The following MTFR2 variants were observed in gnomAD, a reference collection of about 807,000 sequenced individuals.
MTFR2 encodes DUF729 domain-containing protein 1.
A neutral mutation model predicts 41.2 loss-of-function variants in MTFR2; 44 were observed. The ratio of observed to expected loss-of-function variants is 1.07; its 90% CI spans 0.84 to 1.37. The LOEUF (loss-of-function observed/expected upper bound fraction) is 1.37. Ranked by LOEUF, MTFR2 falls within the 40% of genes most tolerant of loss-of-function variation. The probability of loss-of-function intolerance (pLI) is 0.00; values close to 1 mark genes in which losing one functional copy is unlikely to be tolerated. For synonymous variants in MTFR2, 141 were observed against 154.6 expected (o/e 0.91, Z 0.65); for missense variants, 452 against 459.5 (o/e 0.98, Z 0.15).
At chr6:136,240,848 T>A (rs186829346) in intron 5 of MTFR2, among the ~76,000 whole-genome samples, 2,092 of 152,290 alleles carry the variant, frequency 0.014, 19 homozygotes, top group Non-Finnish European at 0.022. Context: ...TCCCAGCACT[T>A]TGGGAGGCCA....
At chr6:136,238,637 T>C (rs1449643462) in intron 6 of MTFR2, among the ~76,000 whole-genome samples, 1 of 151,328 alleles carries the variant, frequency 6.6e-6, no homozygotes, top group Non-Finnish European at 1.5e-5. Context: ...ATTATACACA[T>C]AAAAATTTGT....
chr6:136,243,652 G>A (rs1780140857), intron 3 of MTFR2, among the ~76,000 whole-genome samples: 1 of 151,690 alleles, frequency 6.6e-6, no homozygotes, highest in Non-Finnish European at 1.5e-5. Flanking sequence ...GGTTGAGGCT[G>A]CAGTGAGCCG....
chr6:136,238,934 G>T (rs1285011946), intron 6 of MTFR2, among the ~76,000 whole-genome samples: 3 of 152,094 alleles, frequency 2.0e-5, no homozygotes, highest in Non-Finnish European at 4.4e-5. Context: ...CAGGCATGGT[G>T]GCACATGCCT....
chr6:136,241,052 C>T (rs1013053783), intron 5 of MTFR2, among the ~76,000 whole-genome samples: 1 of 149,902 alleles, frequency 6.7e-6, no homozygotes, highest in Non-Finnish European at 1.5e-5. Flanking sequence ...GATCGTGCCA[C>T]TGCACTCCAG....
At position 136,233,332 on chromosome 6, in the gene MTFR2, G is replaced by A; in HGVS notation, c.1037C>T (p.Thr346Ile). ...TACATTAGTGTAGCTTACCCTTGAA[G>A]TTTCTGGACTAGAAAATGGGGAAGA... ...WESSPFSSPE[T>I]SRFGHHISQS... The change falls in exon 7 of 8, where the codon ACT (threonine) becomes ATT (isoleucine). Residue 346 changes from threonine to isoleucine, a missense_variant. Coordinates refer to ENST00000420702, the MANE Select transcript of MTFR2 (RefSeq NM_001099286.3). The A allele has an allele frequency of 1.9e-6, 3 of 1,612,178 alleles. No homozygotes were observed. Among genetic ancestry groups the A allele is most frequent in the African/African-American group, 1.3e-5 (1 of 74,998 alleles).
At chr6:136,231,811 G>C (rs568651986) in intron 7 of MTFR2, among the ~76,000 whole-genome samples, 1 of 152,154 alleles carries the variant, frequency 6.6e-6, no homozygotes, top group African/African-American at 2.4e-5. Context: ...CTGGGAAACA[G>C]TGTGTTCCAC....
intron 5 of MTFR2, among the ~76,000 whole-genome samples, chr6:136,240,032 G>A (rs1332929365): frequency 6.6e-6 from 1 of 152,058 alleles, no homozygotes; most frequent in Non-Finnish European, 1.5e-5. Flanking sequence ...AATTTTCAGT[G>A]TAGGTCCAAG....
intron 2 of MTFR2, among the ~76,000 whole-genome samples, chr6:136,247,871 A>G (rs188943309): frequency 6.6e-6 from 1 of 152,330 alleles, no homozygotes; most frequent in East Asian, 1.9e-4. Context: ...TATCAAAACA[A>G]AGCAGATAAC....
At chr6:136,233,605 T>A (rs928338858) in intron 6 of MTFR2, 106 bp from the exon 7 acceptor site, 20 of 833,726 alleles carry the variant, frequency 2.4e-5, no homozygotes, top group Non-Finnish European at 3.2e-5. Context: ...ATTTAATTAG[T>A]CTTCAAGAGA....
At position 136,239,637 on chromosome 6, in the gene MTFR2, G is replaced by A; in HGVS notation, c.698C>T (p.Ser233Phe). The A allele has an allele frequency of 6.2e-7, 1 of 1,614,028 alleles. No individual in the cohort carries two copies. Among genetic ancestry groups the A allele is most frequent in the Middle Eastern group, 1.6e-4 (1 of 6,062 alleles). Residue 233 changes from serine (S) to phenylalanine (F), a missense_variant, in exon 6 of 8, where the codon TCT (serine) becomes TTT (phenylalanine). Physicochemically the swap from Ser to Phe is radical, Grantham distance 155 (BLOSUM62 -2). Transcript: ENST00000420702. ...PPCFPPVQPG[S>F]NNICDSDNPA... ...ATTATCTGAGTCACAAATATTATTA[G>A]ATCCTGGTTGTACGGGAGGAAAACA...
chr6:136,239,413 T>A, intron 6 of MTFR2, 53 bp downstream of exon 6: 1 of 1,374,274 alleles, frequency 7.3e-7, no homozygotes, highest in Non-Finnish European at 9.9e-7. Context: ...ATAATTTTTC[T>A]AAACATAAAA....
chr6:136,232,333 C>T (rs1183382602), intron 7 of MTFR2, among the ~76,000 whole-genome samples: 1 of 152,156 alleles, frequency 6.6e-6, no homozygotes, highest in Non-Finnish European at 1.5e-5. Context: ...TGGCTCACTG[C>T]AACCTCCACC....
chr6:136,242,947 G>A lies in MTFR2; in HGVS notation c.195C>T (p.Asp65=). 1.2e-6 allele frequency: 2 copies of A among 1,610,560 alleles called. No individual in the cohort carries two copies. Among genetic ancestry groups the A allele is most frequent in the Non-Finnish European group, 1.7e-6 (2 of 1,179,168 alleles). ...GAACCATAGATCCACAATTATCAGAGTCTACAGAGTTCAAGAGCGGGATCA... is the reference window on the plus strand; with the variant it reads ...GAACCATAGATCCACAATTATCAGAATCTACAGAGTTCAAGAGCGGGATCA... ...FELIPLLNSV[D]SDNCGSMVPS... Residue 65 remains aspartate, a synonymous_variant, in exon 4 of 8, where the codon GAC becomes GAT. Transcript: ENST00000420702.
At chr6:136,237,880 GTTT>G (rs1419184315) in intron 6 of MTFR2, among the ~76,000 whole-genome samples, 1 of 152,048 alleles carries the variant, frequency 6.6e-6, no homozygotes, top group Non-Finnish European at 1.5e-5. Flanking sequence ...TACCCTTTAT[GTTT>G]CTCAGGAAGC....
At chr6:136,240,839 C>T (rs941499341) in intron 5 of MTFR2, among the ~76,000 whole-genome samples, 1 of 152,192 alleles carries the variant, frequency 6.6e-6, no homozygotes, top group Non-Finnish European at 1.5e-5. Flanking sequence ...CGCCTGTAAT[C>T]CCAGCACTTT....
chr6:136,240,077 C>CA (rs1554209315), intron 5 of MTFR2, among the ~76,000 whole-genome samples: 1 of 151,250 alleles, frequency 6.6e-6, no homozygotes, highest in Non-Finnish European at 1.5e-5. Flanking sequence ...CTTAAACAAA[C>CA]AAAAAAAAGA....
chr6:136,240,899 G>A (rs918735685), intron 5 of MTFR2, among the ~76,000 whole-genome samples: 5 of 152,120 alleles, frequency 3.3e-5, no homozygotes, highest in Non-Finnish European at 5.9e-5. Context: ...AGACCATCCT[G>A]GCTAACACGG....
chr6:136,235,432 T>C (rs561168558), intron 6 of MTFR2, among the ~76,000 whole-genome samples: 1 of 152,082 alleles, frequency 6.6e-6, no homozygotes, highest in East Asian at 1.9e-4. Flanking sequence ...GTTTGAGTCA[T>C]AAGCATACAG....
chr6:136,248,205 T>C (rs1283897681), intron 2 of MTFR2, among the ~76,000 whole-genome samples: 1 of 152,206 alleles, frequency 6.6e-6, no homozygotes, highest in Non-Finnish European at 1.5e-5. Flanking sequence ...CAACCATGTA[T>C]TACTCCTCTG....
Sources: allele counts gnomAD v4.1 joint callset (sites outside exome capture counted in the v4.1 genomes callset), GRCh38; gene constraint gnomAD v4.1.1; transcripts MANE v1.5; gene names NCBI Gene and HGNC (gene_info 2026-07-23, HGNC 2026-07-21).